Variants in SVIL observed in about 807,000 individuals in gnomAD.
The protein encoded by SVIL is supervillin.
Under a neutral mutation model 240.4 loss-of-function variants are expected in SVIL, and 101 were observed. The observed-to-expected ratio is 0.42, with a 90% confidence interval of 0.36 to 0.50. The LOEUF is 0.50. SVIL is among the 20% of genes least tolerant of loss of function. SVIL has a pLI of 0.01. For missense variants in SVIL, 2,512 were observed against 2,818.7 expected (o/e 0.89, Z 2.46); for synonymous variants, 999 against 1,100.0 (o/e 0.91, Z 1.82).
chr10:29,682,564 T>C (rs1960746104), intron 2 of SVIL, among the ~76,000 whole-genome samples: 1 of 152,086 alleles, frequency 6.6e-6, no homozygotes, highest in South Asian at 2.1e-4. Context: ...AACCAAACCA[T>C]AATTATTACA....
chr10:29,676,620 A>G (rs942521643), intron 2 of SVIL, among the ~76,000 whole-genome samples: 7 of 152,340 alleles, frequency 4.6e-5, no homozygotes, highest in Middle Eastern at 3.4e-3. Context: ...GCTGGCTCCA[A>G]TGGAGCAAGA....
Position 29,685,529 on chromosome 10 carries a change from C to T in SVIL, c.-301+1024G>A, listed in dbSNP as rs576284270. The stretch of plus-strand genomic sequence containing the variant: ...TTTCCACGATGAACTAATTTACACT[C>T]TCACCAACAATGTATAAGCATTTCC... On this transcript the variant is annotated intron_variant, in intron 2 of 35. Coordinates refer to the SVIL transcript ENST00000375400. Among the ~76,000 whole-genome samples, 38 of 152,356 alleles carry T rather than the reference C, an allele frequency of 2.5e-4. No homozygotes were observed. In the South Asian group the frequency reaches 7.7e-3, roughly 31 times the overall value.
At chr10:29,659,040 AC>A (rs1959083366) in intron 2 of SVIL, among the ~76,000 whole-genome samples, 1 of 152,148 alleles carries the variant, frequency 6.6e-6, no homozygotes, top group South Asian at 2.1e-4. Flanking sequence ...GTGAGGGGAA[AC>A]CCCACCTATG....
At chr10:29,500,216 G>A (rs73596032) in intron 17 of SVIL, among the ~76,000 whole-genome samples, 13,594 of 152,038 alleles carry the variant, frequency 0.089, 738 homozygotes, top group South Asian at 0.16. Context: ...GTAGGTGGTG[G>A]TCGCGGGCGA....
At chr10:29,526,136 C>T (rs945200782) in intron 13 of SVIL, among the ~76,000 whole-genome samples, 2 of 152,084 alleles carry the variant, frequency 1.3e-5, no homozygotes, top group Admixed American at 1.3e-4. Flanking sequence ...TTGTTATTTT[C>T]CCAGTCCCAA....
intron 29 of SVIL, 43 bp from the exon 30 acceptor site, chr10:29,474,032 C>T (rs1945888086): frequency 2.5e-6 from 4 of 1,599,798 alleles, no homozygotes; most frequent in Non-Finnish European, 1.7e-6. Flanking sequence ...GCAGCTGAGA[C>T]ACCCGAGGAG....
chr10:29,558,603 T>A (rs75269469), intron 3 of SVIL, among the ~76,000 whole-genome samples: 8,200 of 151,926 alleles, frequency 0.054, 275 homozygotes, highest in Admixed American at 0.11. Context: ...AATTAATGTG[T>A]ATTATATTAC....
rs369235480 is a variant in SVIL, at chr10:29,595,954, G to A, written c.-200-26642C>T. On this transcript the variant is annotated intron_variant, in intron 1 of 37. Transcript: ENST00000355867. Reference sequence around the variant, plus strand: ...TAGGACAGCTCGCTGTTTCTGCAGGGCGAGCTTAGAGACCAGTCCCAACAC... The same window carrying A: ...TAGGACAGCTCGCTGTTTCTGCAGGACGAGCTTAGAGACCAGTCCCAACAC... Among the ~76,000 whole-genome samples the A allele has an allele frequency of 5.9e-3, 906 of 152,312 alleles. 19 individuals are homozygous for A. The South Asian group carries it at 0.091, about 15-fold the overall frequency.
intron 5 of SVIL, among the ~76,000 whole-genome samples, chr10:29,551,977 G>A (rs1953388951): frequency 6.6e-6 from 1 of 151,996 alleles, no homozygotes; most frequent in African/African-American, 2.4e-5. Flanking sequence ...AGCTGGGCAT[G>A]ATGGCACATG....
At chr10:29,719,640 A>G (rs908397953) in intron 1 of SVIL, among the ~76,000 whole-genome samples, 19 of 152,344 alleles carry the variant, frequency 1.2e-4, no homozygotes, top group African/African-American at 4.1e-4. Context: ...TAAAAACACA[A>G]ATCAAATTTC....
At chr10:29,616,993 G>A (rs1299870364) in intron 1 of SVIL, among the ~76,000 whole-genome samples, 1 of 152,148 alleles carries the variant, frequency 6.6e-6, no homozygotes, top group Non-Finnish European at 1.5e-5. Context: ...AAAGTGCTGG[G>A]ATTACAGGCA....
chr10:29,488,493 G>T lies in SVIL; in HGVS notation c.4348+108C>A, dbSNP rs192092910. ...AACACACAATAAGTTCTCAAAAAGT[G>T]TGCGTTCCTTTCCCGGCACAGGCAA... On this transcript the variant is annotated intron_variant, in intron 23 of 37. Coordinates refer to ENST00000355867, the MANE Select transcript of SVIL (RefSeq NM_021738.3). 9.1e-5 allele frequency: 117 copies of T among 1,285,256 alleles called. No individual in the cohort carries two copies. The Middle Eastern group carries it at 1.1e-3, about 12-fold the overall frequency. 79.6% of individuals were successfully genotyped at this position (1,285,256 alleles called of 1,614,324 possible).
At chr10:29,478,693 G>A (rs1946472281) in intron 29 of SVIL, among the ~76,000 whole-genome samples, 2 of 151,960 alleles carry the variant, frequency 1.3e-5, no homozygotes, top group South Asian at 4.2e-4. Context: ...GGCTGAAGTG[G>A]GAGGATGGTT....
At chr10:29,459,020 G>A (rs1406853919) in intron 36 of SVIL, among the ~76,000 whole-genome samples, 2 of 148,690 alleles carry the variant, frequency 1.3e-5, no homozygotes, top group African/African-American at 5.0e-5. Context: ...TAGAGACTGG[G>A]TCTTGCTATA....
Position 29,524,689 on chromosome 10 carries a change from G to A in SVIL, c.2369C>T (p.Ala790Val). 1 of 1,614,110 alleles carries A rather than the reference G, an allele frequency of 6.2e-7. No homozygotes were observed. Among genetic ancestry groups the A allele is most frequent in the South Asian group, 1.1e-5 (1 of 91,076 alleles). The change falls in exon 14 of 38, where the codon GCC becomes GTC. Residue 790 changes from alanine to valine, a missense_variant. By Grantham distance (64) the Ala-to-Val change is moderately conservative. Around this residue, in one of 3 missense-constraint regions of SVIL, gnomAD observed 1,443 missense variants for 1,486.6 expected, o/e 0.97. Transcript: ENST00000355867. ...CTCATTTGTCTGGTCCTTGGCTAAG[G>A]CCTTTTGGTGAGCAGAGGCCTGCAA... Reference protein sequence around the residue: ...ARLQASAHQKALAKDQTNEGK... With the variant: ...ARLQASAHQKVLAKDQTNEGK...
chr10:29,509,775 A>G (rs1032131398), intron 17 of SVIL, among the ~76,000 whole-genome samples: 2 of 152,158 alleles, frequency 1.3e-5, no homozygotes, highest in Non-Finnish European at 2.9e-5. Context: ...ACTTGAACCC[A>G]GGAGGCGGAG....
chr10:29,547,875 G>A (rs978090702), intron 6 of SVIL, among the ~76,000 whole-genome samples: 12 of 152,258 alleles, frequency 7.9e-5, no homozygotes, highest in Non-Finnish European at 1.3e-4. Flanking sequence ...TTAAATTGGA[G>A]TCTGTTAGGT....
intron 26 of SVIL, among the ~76,000 whole-genome samples, chr10:29,485,764 A>C (rs1012281708): frequency 6.6e-6 from 1 of 152,224 alleles, no homozygotes; most frequent in Non-Finnish European, 1.5e-5. Context: ...CCTTAAACTT[A>C]AGGATTTAAA....
chr10:29,709,938 A>G (rs2488695), intron 1 of SVIL, among the ~76,000 whole-genome samples: 97,889 of 152,006 alleles, frequency 0.64, 31,768 homozygotes, highest in East Asian at 0.81. Context: ...GGGCCACGGA[A>G]CCATGCCCTG....
Sources: gnomAD v4.1 joint callset for allele counts (sites outside exome capture counted in the v4.1 genomes callset) on GRCh38, gnomAD v4.1.1 for gene constraint, gnomAD v4.1.1 regional missense constraint, MANE v1.5 for transcripts, NCBI Gene and HGNC (gene_info 2026-07-23, HGNC 2026-07-21) for gene names.